Variants in PPFIA2 observed in about 807,000 individuals in gnomAD.
PPFIA2 encodes the protein liprin-alpha-2.
A neutral mutation model predicts 175.5 loss-of-function variants in PPFIA2; 46 were observed. The observed-to-expected ratio is 0.26, with a 90% CI of 0.21 to 0.34. The LOEUF is 0.34. Ranked by LOEUF, PPFIA2 falls within the 10% of genes least tolerant of loss-of-function variation. The probability of loss-of-function intolerance (pLI) is 1.00; values close to 1 mark genes in which losing one functional copy is unlikely to be tolerated. For missense variants in PPFIA2, 1,179 were observed against 1,506.1 expected (o/e 0.78, Z 3.60); for synonymous variants, 568 against 511.4 (o/e 1.11, Z -1.49).
chr12:81,548,936 A>G (rs143239945), intron 4 of PPFIA2, among the ~76,000 whole-genome samples: 71 of 152,294 alleles, frequency 4.7e-4, no homozygotes, highest in African/African-American at 1.4e-3. Flanking sequence ...GAACTATACA[A>G]CTAAATATGC....
chr12:81,512,721 T>C (rs1457969276), intron 4 of PPFIA2, among the ~76,000 whole-genome samples: 1 of 152,032 alleles, frequency 6.6e-6, no homozygotes, highest in South Asian at 2.1e-4. Context: ...CAAAAGTTCA[T>C]TACCTCATTC....
rs563539541 is a variant in PPFIA2 at position 81,389,033 on chromosome 12, G to T, written c.763-4789C>A. ...TCTGTCACACAGATTCGCTGTTCTG[G>T]ACTTTTCACAGAAGTGGAGCCGCTG... On this transcript the variant is annotated intron_variant, in intron 8 of 32. Coordinates refer to ENST00000549396, the MANE Select transcript of PPFIA2 (RefSeq NM_003625.5). Among the ~76,000 whole-genome samples the T allele has an allele frequency of 5.9e-5, 9 of 151,338 alleles. No individual in the cohort carries two copies. In the South Asian group the frequency reaches 1.3e-3, roughly 21 times the overall value.
At chr12:81,343,909 A>G (rs1039829941) in intron 19 of PPFIA2, among the ~76,000 whole-genome samples, 8 of 152,074 alleles carry the variant, frequency 5.3e-5, no homozygotes, top group African/African-American at 9.7e-5. Flanking sequence ...TCACTCACCT[A>G]TAAGTACACC....
chr12:81,259,650 A>T lies in PPFIA2; in HGVS notation c.*44T>A. On this transcript the variant is annotated 3_prime_UTR_variant, in exon 33 of 33. Coordinates refer to ENST00000549396, the MANE Select transcript of PPFIA2 (RefSeq NM_003625.5). ...GTGCACTTTAGGTAGAGTAGACTGA[A>T]AAGACGCCATCTAAAATATACAATG... The T allele has an allele frequency of 6.5e-7, 1 of 1,534,586 alleles. No homozygotes were observed. Among genetic ancestry groups the T allele is most frequent in the Non-Finnish European group, 8.7e-7 (1 of 1,145,722 alleles).
intron 28 of PPFIA2, chr12:81,270,918 C>T (rs1199371628): frequency 6.6e-6 from 1 of 152,180 alleles, no homozygotes; most frequent in Non-Finnish European, 1.5e-5. Flanking sequence ...CTATATCTTT[C>T]CTTCTATTAT....
At chr12:81,599,399 A>G (rs76842170) in intron 4 of PPFIA2, among the ~76,000 whole-genome samples, 18 of 152,042 alleles carry the variant, frequency 1.2e-4, no homozygotes, top group African/African-American at 4.1e-4. Flanking sequence ...GTGATCCTCA[A>G]TTCTTTAGAT....
intron 4 of PPFIA2, among the ~76,000 whole-genome samples, chr12:81,601,601 T>C (rs974470831): frequency 4.6e-5 from 7 of 151,834 alleles, no homozygotes; most frequent in Non-Finnish European, 8.8e-5. Flanking sequence ...TTGACACTTT[T>C]TTTTTTTCTG....
chr12:81,351,972 T>C (rs1382667599), intron 17 of PPFIA2, among the ~76,000 whole-genome samples: 1 of 152,118 alleles, frequency 6.6e-6, no homozygotes, highest in Admixed American at 6.5e-5. Context: ...TTATTAAGAA[T>C]AGTAGTAATA....
intron 4 of PPFIA2, among the ~76,000 whole-genome samples, chr12:81,497,229 A>G (rs2060114745): frequency 6.6e-6 from 1 of 152,180 alleles, no homozygotes; most frequent in African/African-American, 2.4e-5. Context: ...TTTGTGATAA[A>G]TTAAAATGAT....
Position 81,747,520 on chromosome 12 carries a change from A to G in PPFIA2, c.249+6453T>C, listed in dbSNP as rs957766496. 2.1e-5 allele frequency among the ~76,000 whole-genome samples: 3 copies of G among 144,370 alleles called. 1 individual carries two copies. Among genetic ancestry groups the G allele is most frequent in the Non-Finnish European group, 4.7e-5 (3 of 64,356 alleles). The allele number at this position is 144,370 out of a possible 152,430, so 94.7% of individuals were successfully genotyped here. On this transcript the variant is annotated intron_variant, in intron 3 of 32. Coordinates refer to ENST00000549396, the MANE Select transcript of PPFIA2 (RefSeq NM_003625.5). ...TAAAATTGTGCAGTTAAGGTTGGCT[A>G]AAGATAATGATGACAATATCTACAA...
chr12:81,409,847 T>C (rs1459978641), intron 7 of PPFIA2, among the ~76,000 whole-genome samples: 1 of 152,162 alleles, frequency 6.6e-6, no homozygotes, highest in Non-Finnish European at 1.5e-5. Flanking sequence ...TAAGGGGGTA[T>C]GATTCATATT....
chr12:81,572,774 T>C (rs555928678), intron 4 of PPFIA2, among the ~76,000 whole-genome samples: 3 of 152,068 alleles, frequency 2.0e-5, no homozygotes, highest in East Asian at 1.9e-4. Flanking sequence ...TGAGATCCTT[T>C]GAAGAACTGG....
intron 4 of PPFIA2, among the ~76,000 whole-genome samples, chr12:81,572,259 G>A (rs969520214): frequency 6.6e-5 from 10 of 151,682 alleles, no homozygotes; most frequent in Non-Finnish European, 1.5e-4. Context: ...TCTCCTTCAG[G>A]TCTCAACTCA....
chr12:81,733,306 T>G (rs2081158612), intron 3 of PPFIA2, among the ~76,000 whole-genome samples: 1 of 151,584 alleles, frequency 6.6e-6, no homozygotes, highest in Admixed American at 6.6e-5. Flanking sequence ...TCTAAAATCT[T>G]AAATGCTTTA....
Position 81,266,936 on chromosome 12 carries a change from T to C in PPFIA2, c.3555+16A>G, listed in dbSNP as rs371180673. The C allele has an allele frequency of 4.4e-6, 7 of 1,584,916 alleles. No homozygotes were observed. Among genetic ancestry groups the C allele is most frequent in the Non-Finnish European group, 5.2e-6 (6 of 1,154,668 alleles). On this transcript the variant is annotated intron_variant, in intron 30 of 32. Transcript: ENST00000549396. ...TTTACTCTCTCAGATCTCTTTTGAA[T>C]AACAGGTGGACTTACTTCATCCAGT...
At chr12:81,648,108 T>C (rs1481423490) in intron 4 of PPFIA2, among the ~76,000 whole-genome samples, 1 of 150,146 alleles carries the variant, frequency 6.7e-6, no homozygotes, top group Non-Finnish European at 1.5e-5. Context: ...AGTAAAGGAG[T>C]AAGGTTAGTT....
chr12:81,585,939 G>A (rs1422969611), intron 4 of PPFIA2, among the ~76,000 whole-genome samples: 1 of 151,852 alleles, frequency 6.6e-6, no homozygotes, highest in Admixed American at 6.6e-5. Context: ...GTGCTATGAC[G>A]TTATGATGTG....
intron 4 of PPFIA2, among the ~76,000 whole-genome samples, chr12:81,650,163 C>T (rs2066811689): frequency 6.6e-6 from 1 of 152,092 alleles, no homozygotes; most frequent in Non-Finnish European, 1.5e-5. Context: ...GCGCCCGCCA[C>T]TGCACCCAGC....
chr12:81,292,121 T>C (rs188332103), intron 24 of PPFIA2, among the ~76,000 whole-genome samples: 8 of 152,264 alleles, frequency 5.3e-5, no homozygotes, highest in Non-Finnish European at 1.2e-4. Context: ...AAATGTATCA[T>C]ATTTTTCATC....
Sources: allele counts gnomAD v4.1 joint callset (sites outside exome capture counted in the v4.1 genomes callset), GRCh38; gene constraint gnomAD v4.1.1; transcripts MANE v1.5; gene names NCBI Gene and HGNC (gene_info 2026-07-23, HGNC 2026-07-21).